DOCK4: variants seen among roughly 807,000 people sequenced by gnomAD.
The protein encoded by DOCK4 is dedicator of cytokinesis protein 4.
In DOCK4, 97 loss-of-function variants were observed where a neutral mutation model predicts 268.1. The ratio of observed to expected loss-of-function variants is 0.36; its 90% CI spans 0.31 to 0.43. DOCK4 has a LOEUF of 0.43. Ranked by LOEUF, DOCK4 falls within the 20% of genes least tolerant of loss-of-function variation. The pLI, the probability that DOCK4 is intolerant of heterozygous loss-of-function variation, is 1.00. For missense variants in DOCK4, 2,145 were observed against 2,455.7 expected, an observed-to-expected ratio of 0.87 and a Z score of 2.67; for synonymous variants, 954 against 887.2, an observed-to-expected ratio of 1.08 and a Z score of -1.34.
At chr7:111,909,468 T>C (rs1014429329) in intron 13 of DOCK4, among the ~76,000 whole-genome samples, 4 of 152,218 alleles carry the variant, frequency 2.6e-5, no homozygotes, top group Admixed American at 6.5e-5. Context: ...TAAAGACACA[T>C]GCACACATTT....
intron 13 of DOCK4, among the ~76,000 whole-genome samples, chr7:111,913,541 C>A (rs548429813): frequency 2.6e-5 from 4 of 151,316 alleles, no homozygotes; most frequent in African/African-American, 9.7e-5. Context: ...TCCCGAGTAG[C>A]TGGGACTACA....
At chr7:111,784,059 C>A (rs928134129) in intron 33 of DOCK4, 38 bp downstream of exon 33, 1 of 1,579,462 alleles carries the variant, frequency 6.3e-7, no homozygotes, top group Non-Finnish European at 8.6e-7. Context: ...ACCACTGCAA[C>A]ATCTCACAAG....
At chr7:112,154,687 G>A (rs999497462) in intron 1 of DOCK4, among the ~76,000 whole-genome samples, 2 of 152,120 alleles carry the variant, frequency 1.3e-5, no homozygotes, top group African/African-American at 4.8e-5. Context: ...CATCTCCCAG[G>A]AACACTGGCG....
chr7:111,789,266 T>G (rs1159216395), intron 31 of DOCK4: 1 of 156,170 alleles, frequency 6.4e-6, no homozygotes, highest in Non-Finnish European at 1.4e-5. Flanking sequence ...ATAGCAATAG[T>G]CTAAGTCAGC....
intron 23 of DOCK4, among the ~76,000 whole-genome samples, chr7:111,859,628 C>T (rs1039084802): frequency 3.0e-5 from 4 of 134,132 alleles, no homozygotes; most frequent in Non-Finnish European, 6.1e-5. Flanking sequence ...AGTGCAGTGG[C>T]GGGATCTCGG....
chr7:111,731,543 G>A (rs1262571896), intron 52 of DOCK4, among the ~76,000 whole-genome samples: 1 of 210 alleles, frequency 4.8e-3, no homozygotes, highest in African/African-American at 0.021. Context: ...ATTCAATTTG[G>A]ATAAGACTAA....
chr7:112,117,984 G>C (rs1812334842), intron 1 of DOCK4, among the ~76,000 whole-genome samples: 1 of 152,058 alleles, frequency 6.6e-6, no homozygotes, highest in African/African-American at 2.4e-5. Context: ...CCATAAGAAA[G>C]AATGGCCTCC....
At chr7:111,914,918 A>G (rs1792458339) in intron 13 of DOCK4, among the ~76,000 whole-genome samples, 1 of 152,230 alleles carries the variant, frequency 6.6e-6, no homozygotes, top group African/African-American at 2.4e-5. Flanking sequence ...TTATTTGTAG[A>G]ATGAATGAAC....
chr7:111,749,932 C>CGTAA (rs1416323512), intron 42 of DOCK4, among the ~76,000 whole-genome samples: 1 of 152,142 alleles, frequency 6.6e-6, no homozygotes, highest in Non-Finnish European at 1.5e-5. Flanking sequence ...TCAGTGGTTA[C>CGTAA]AGTGGGGATA....
At chr7:111,823,204 CTTTTTTTTTTTTT>C (rs917904625) in intron 26 of DOCK4, among the ~76,000 whole-genome samples, 7 of 116,266 alleles carry the variant, frequency 6.0e-5, no homozygotes, top group Middle Eastern at 4.8e-3. Context: ...GGAAATATTA[CTTTTTTTTTTTTT>C]TTTTTTTTTA....
At chr7:112,099,409 T>C (rs4730510) in intron 1 of DOCK4, among the ~76,000 whole-genome samples, 1 of 151,908 alleles carries the variant, frequency 6.6e-6, no homozygotes, top group Non-Finnish European at 1.5e-5. Flanking sequence ...TCTTTGACAG[T>C]AGTTCCTTAT....
At chr7:111,852,101 T>C (rs1302609060) in intron 23 of DOCK4, among the ~76,000 whole-genome samples, 3 of 152,110 alleles carry the variant, frequency 2.0e-5, no homozygotes, top group African/African-American at 7.2e-5. Flanking sequence ...TAGCTGGGAT[T>C]ACAGGCATTC....
At chr7:112,111,789 A>G (rs1053062666) in intron 1 of DOCK4, among the ~76,000 whole-genome samples, 3 of 152,190 alleles carry the variant, frequency 2.0e-5, no homozygotes, top group Non-Finnish European at 4.4e-5. Flanking sequence ...AGATACTTTA[A>G]ATAAGTACAG....
At chr7:112,146,147 T>C (rs938797523) in intron 1 of DOCK4, among the ~76,000 whole-genome samples, 3 of 152,174 alleles carry the variant, frequency 2.0e-5, no homozygotes, top group Non-Finnish European at 4.4e-5. Context: ...CTGAGGTGAC[T>C]TTACAGAGGA....
rs780906885 is a variant in DOCK4 at position 111,758,698 on chromosome 7, C to G, written c.4255G>C (p.Val1419Leu). 4 of 1,613,890 alleles carry G rather than the reference C, an allele frequency of 2.5e-6. No homozygotes were observed. Among genetic ancestry groups the G allele is most frequent in the Non-Finnish European group, 2.5e-6 (3 of 1,179,898 alleles). ...TAGCGGAATTTCCAGATGTGATTCA[C>G]TTTATAGAAGCTTTTGATGTTGTCC... ...VPDNIKSFYKVNHIWKFRYDR... is the reference protein window; with the variant it reads ...VPDNIKSFYKLNHIWKFRYDR... The change falls in exon 41 of 53, where the codon GTG (valine) becomes CTG (leucine). Residue 1419 changes from valine (V) to leucine (L), a missense_variant. Physicochemically the swap from Val to Leu is conservative, Grantham distance 32. Around this residue, in one of 2 missense-constraint regions of DOCK4, gnomAD observed 1,598 missense variants for 1,986.7 expected, o/e 0.80. Transcript: ENST00000428084.
At chr7:112,090,695 C>T (rs1809544009) in intron 1 of DOCK4, among the ~76,000 whole-genome samples, 2 of 152,120 alleles carry the variant, frequency 1.3e-5, no homozygotes, top group African/African-American at 4.8e-5. Context: ...TATTTTGATT[C>T]TATAAACTAT....
rs147082533 is a variant in DOCK4, at chr7:112,137,102, T to C, written c.37+69000A>G. On this transcript the variant is annotated intron_variant, in intron 1 of 52. Coordinates refer to ENST00000428084, the MANE Select transcript of DOCK4 (RefSeq NM_001363540.2). ...AGAAGACAGCAAGAAAGAAAAGGTA[T>C]TGAGTCATACATATTGCTATAGATA... Among the ~76,000 whole-genome samples, 537 of 152,292 alleles carry C rather than the reference T, an allele frequency of 3.5e-3. 1 individual carries two copies. The highest frequency in any genetic ancestry group is 0.012 in the African/African-American group (497 of 41,562).
At chr7:112,040,776 G>A (rs1586701130) in intron 1 of DOCK4, among the ~76,000 whole-genome samples, 1 of 152,044 alleles carries the variant, frequency 6.6e-6, no homozygotes, top group Non-Finnish European at 1.5e-5. Context: ...TAAATGAAAG[G>A]AGCAGATTCT....
chr7:112,059,999 T>C (rs1806251207), intron 1 of DOCK4, among the ~76,000 whole-genome samples: 1 of 152,208 alleles, frequency 6.6e-6, no homozygotes, highest in Non-Finnish European at 1.5e-5. Flanking sequence ...ATTAGAAGCA[T>C]GTCCAAGGTG....
Sources: gnomAD v4.1 joint callset for allele counts (sites outside exome capture counted in the v4.1 genomes callset) on GRCh38, gnomAD v4.1.1 for gene constraint, gnomAD v4.1.1 regional missense constraint, MANE v1.5 for transcripts, NCBI Gene and HGNC (gene_info 2026-07-23, HGNC 2026-07-21) for gene names.